UTS2: variants seen among roughly 807,000 people sequenced by gnomAD.
UTS2 encodes urotensin 2, also known as urotensin-2.
Under a neutral mutation model 12.6 loss-of-function variants are expected in UTS2, and 10 were observed. The ratio of observed to expected loss-of-function variants is 0.80; its 90% CI spans 0.49 to 1.35. The LOEUF is 1.35. Among genes scored for constraint, UTS2 ranks in the 40% most tolerant of loss-of-function variants. The pLI is 0.00. For missense variants in UTS2, 142 were observed against 143.2 expected, an observed-to-expected ratio of 0.99 and a Z score of 0.04; for synonymous variants, 52 against 50.0, an observed-to-expected ratio of 1.04 and a Z score of -0.17.
intron 3 of UTS2, 90 bp from the exon 4 acceptor site, chr1:7,847,972 T>C: frequency 1.1e-6 from 1 of 901,676 alleles, no homozygotes; most frequent in Non-Finnish European, 1.7e-6. Context: ...GAATCTTGAG[T>C]CAAGACACTG....
At chr1:7,880,489 C>T in the UTS2 span, among the ~76,000 whole-genome samples, 2 of 152,036 alleles carry the variant, frequency 1.3e-5, no homozygotes, top group African/African-American at 4.8e-5. Context: ...AACTGATAAA[C>T]TGATACCACA....
At chr1:7,887,762 GA>G in the UTS2 span, among the ~76,000 whole-genome samples, 2,337 of 126,478 alleles carry the variant, frequency 0.018, 42 homozygotes, top group African/African-American at 0.049. Flanking sequence ...TCTCTAAAAG[GA>G]AAAAAAAAAA....
At chr1:7,884,854 TCCATCCATCCACCCAC>T in the UTS2 span, among the ~76,000 whole-genome samples, 9 of 151,188 alleles carry the variant, frequency 6.0e-5, no homozygotes, top group Admixed American at 2.0e-4. Flanking sequence ...CCACCATCTA[TCCATCCATCCACCCAC>T]CCATCCATCC....
chr1:7,863,045 ATTGTATTGTATTGTATT>A, the UTS2 span, among the ~76,000 whole-genome samples: 3 of 36,570 alleles, frequency 8.2e-5, 1 homozygote, highest in South Asian at 2.2e-3. Flanking sequence ...ATTGTATTGT[ATTGTATTGTATTGTATT>A]GTATTGTATT....
chr1:7,849,663 T>G lies in UTS2; in HGVS notation c.235A>C (p.Asn79His). 1 of 1,610,704 alleles carries G rather than the reference T, an allele frequency of 6.2e-7. No individual in the cohort carries two copies. The highest frequency in any genetic ancestry group is 8.5e-7 in the Non-Finnish European group (1 of 1,179,334). Residue 79 changes from asparagine to histidine, a missense_variant, in exon 3 of 4, where the codon AAC becomes CAC. Transcript: ENST00000361696. ...RKADSSTNIF[N>H]PRGNLRKFQD... ...ACCTTTCTCAAATTTCCTCTTGGGT[T>G]AAAAATGTTGGTACTTGAGTCTGAA... is the stretch of plus-strand genomic sequence containing the variant.
the UTS2 span, among the ~76,000 whole-genome samples, chr1:7,862,907 C>T: frequency 6.6e-6 from 1 of 152,118 alleles, no homozygotes; most frequent in South Asian, 2.1e-4. Context: ...ACCACGTTCA[C>T]CTCCTTTTAG....
rs771044964 is a variant in UTS2, at chr1:7,852,972, A to G, written c.32T>C (p.Phe11Ser). 1.2e-6 allele frequency: 2 copies of G among 1,613,562 alleles called. No individual in the cohort carries two copies. Among genetic ancestry groups the G allele is most frequent in the Non-Finnish European group, 1.7e-6 (2 of 1,179,826 alleles). Residue 11 changes from phenylalanine (F) to serine (S), a missense_variant, in exon 1 of 4, where the codon TTC becomes TCC. Physicochemically the swap from Phe to Ser is radical, Grantham distance 155 (BLOSUM62 -2). Coordinates refer to ENST00000361696, the MANE Select transcript of UTS2 (RefSeq NM_006786.4). ...TAAGAGAGGATTTAAGAATCCTATG[A>G]AAAGCAAACAGCAGGAGGCCAGCTT... is the stretch of plus-strand genomic sequence containing the variant. MYKLASCCLL[F>S]IGFLNPLLSL...
chr1:7,854,848 TAATAAC>T (rs531507976), upstream of UTS2, among the ~76,000 whole-genome samples: 23 of 150,626 alleles, frequency 1.5e-4, no homozygotes, highest in Non-Finnish European at 2.7e-4. Flanking sequence ...AACATCAAAC[TAATAAC>T]AATAATAATA....
chr1:7,882,052 T>C, the UTS2 span, among the ~76,000 whole-genome samples: 2 of 152,130 alleles, frequency 1.3e-5, no homozygotes, highest in African/African-American at 4.8e-5. Flanking sequence ...CAATAAATGG[T>C]GTCCAGGCGT....
chr1:7,853,578 TC>T, upstream of UTS2: 1 of 1,168,206 alleles, frequency 8.6e-7, no homozygotes, highest in Non-Finnish European at 1.2e-6. Flanking sequence ...CAAACATTGC[TC>T]CAGGCTCAAG....
At chr1:7,849,530 A>AGGTGTG in intron 3 of UTS2, 110 bp downstream of exon 3, 1 of 992,048 alleles carries the variant, frequency 1.0e-6, no homozygotes, top group South Asian at 1.5e-5. Flanking sequence ...AATTATTTTA[A>AGGTGTG]GGTGTGGTTT....
chr1:7,890,610 A>G, the UTS2 span, among the ~76,000 whole-genome samples: 2 of 152,040 alleles, frequency 1.3e-5, no homozygotes, highest in African/African-American at 4.8e-5. Context: ...AAACATTGAC[A>G]TAGAAAGATG....
At chr1:7,904,151 T>C in the UTS2 span, among the ~76,000 whole-genome samples, 2 of 152,208 alleles carry the variant, frequency 1.3e-5, no homozygotes, top group Non-Finnish European at 2.9e-5. Flanking sequence ...TATAAATTTT[T>C]ATCTTATACC....
chr1:7,849,073 A>C (rs1338212839), intron 3 of UTS2, among the ~76,000 whole-genome samples: 1 of 152,212 alleles, frequency 6.6e-6, no homozygotes, highest in Non-Finnish European at 1.5e-5. Context: ...ACTGGAGAGC[A>C]GGGACCTCAC....
the UTS2 span, among the ~76,000 whole-genome samples, chr1:7,863,387 A>T: frequency 6.6e-6 from 1 of 152,210 alleles, no homozygotes; most frequent in Non-Finnish European, 1.5e-5. Flanking sequence ...CTGGGATTAC[A>T]GGCGTGAGCC....
the UTS2 span, among the ~76,000 whole-genome samples, chr1:7,873,830 T>C: frequency 1.3e-5 from 2 of 152,214 alleles, no homozygotes; most frequent in East Asian, 3.8e-4. Flanking sequence ...AAAGTTCTGC[T>C]GTGAGTAAAA....
chr1:7,867,754 T>C, the UTS2 span, among the ~76,000 whole-genome samples: 3 of 152,066 alleles, frequency 2.0e-5, no homozygotes, highest in African/African-American at 7.2e-5. Flanking sequence ...TGGGTGCCTG[T>C]AATCCCAGCT....
At chr1:7,912,402 C>T in the UTS2 span, among the ~76,000 whole-genome samples, 1 of 152,142 alleles carries the variant, frequency 6.6e-6, no homozygotes, top group Admixed American at 6.6e-5. Context: ...TTTGCATAAA[C>T]AGACCTGATT....
At chr1:7,863,148 G>C in the UTS2 span, among the ~76,000 whole-genome samples, 543 of 151,196 alleles carry the variant, frequency 3.6e-3, 1 homozygote, top group Non-Finnish European at 6.4e-3. Context: ...TTTTGCTCTT[G>C]TTGCCCAGGC....
Sources: allele counts gnomAD v4.1 joint callset (sites outside exome capture counted in the v4.1 genomes callset), GRCh38; gene constraint gnomAD v4.1.1; transcripts MANE v1.5; gene names NCBI Gene and HGNC (gene_info 2026-07-23, HGNC 2026-07-21).